MB21D2: variants seen among roughly 807,000 people sequenced by gnomAD.
MB21D2 encodes the protein nucleotidyltransferase MB21D2.
In MB21D2, 9 loss-of-function variants were observed where a neutral mutation model predicts 33.3. The ratio of observed to expected loss-of-function variants is 0.27; its 90% CI spans 0.16 to 0.47. The LOEUF (loss-of-function observed/expected upper bound fraction) is 0.47, where lower values mean the gene tolerates loss of function less well. Ranked by LOEUF, MB21D2 falls within the 20% of genes least tolerant of loss-of-function variation. The probability of loss-of-function intolerance (pLI) is 0.99; values close to 1 mark genes in which losing one functional copy is unlikely to be tolerated. For missense variants in MB21D2, 540 were observed against 624.6 expected (o/e 0.86, Z 1.44); for synonymous variants, 241 against 236.3 (o/e 1.02, Z -0.18).
intron 1 of MB21D2, among the ~76,000 whole-genome samples, chr3:192,802,256 T>C (rs1014752614): frequency 8.5e-5 from 13 of 152,160 alleles, no homozygotes; most frequent in Non-Finnish European, 1.6e-4. Context: ...CCCAGTGGGG[T>C]TGGCTGTGGC....
intron 1 of MB21D2, among the ~76,000 whole-genome samples, chr3:192,900,215 C>T (rs1714064116): frequency 6.9e-6 from 1 of 144,158 alleles, no homozygotes; most frequent in Non-Finnish European, 1.5e-5. Flanking sequence ...ACCCGGGAGG[C>T]GGAGCTTGCA....
At chr3:192,903,615 A>G (rs1714147195) in intron 1 of MB21D2, among the ~76,000 whole-genome samples, 2 of 152,212 alleles carry the variant, frequency 1.3e-5, no homozygotes, top group African/African-American at 4.8e-5. Flanking sequence ...TCAGTAAAAT[A>G]AGGATAATAG....
intron 1 of MB21D2, among the ~76,000 whole-genome samples, chr3:192,865,785 C>A (rs189137324): frequency 7.4e-4 from 112 of 152,254 alleles, no homozygotes; most frequent in African/African-American, 2.6e-3. Flanking sequence ...CTGATCCCTG[C>A]CTGTAATCTC....
intron 1 of MB21D2, among the ~76,000 whole-genome samples, chr3:192,807,956 G>A (rs2108610850): frequency 6.6e-6 from 1 of 152,098 alleles, no homozygotes; most frequent in East Asian, 1.9e-4. Flanking sequence ...GACCATCAAG[G>A]GTGAGTGGGG....
intron 1 of MB21D2, among the ~76,000 whole-genome samples, chr3:192,802,782 C>T (rs992042476): frequency 6.6e-6 from 1 of 152,188 alleles, no homozygotes; most frequent in Non-Finnish European, 1.5e-5. Context: ...AAATCGTTTA[C>T]TCTTCATTAT....
At chr3:192,839,666 AAC>A (rs2108624717) in intron 1 of MB21D2, among the ~76,000 whole-genome samples, 1 of 152,316 alleles carries the variant, frequency 6.6e-6, no homozygotes, top group African/African-American at 2.4e-5. Flanking sequence ...TATATGTAAA[AAC>A]AAACTAGCAA....
At chr3:192,800,239 C>A (rs571260622) in intron 1 of MB21D2, among the ~76,000 whole-genome samples, 1 of 152,230 alleles carries the variant, frequency 6.6e-6, no homozygotes, top group African/African-American at 2.4e-5. Flanking sequence ...ATAATACTAA[C>A]ACACTGTTTG....
At chr3:192,841,580 T>TCC (rs1456647909) in intron 1 of MB21D2, among the ~76,000 whole-genome samples, 3 of 152,244 alleles carry the variant, frequency 2.0e-5, no homozygotes, top group Admixed American at 2.0e-4. Context: ...AAGTGGATAC[T>TCC]CCAGCCCAGT....
chr3:192,823,655 A>G (rs989907820), intron 1 of MB21D2, among the ~76,000 whole-genome samples: 1 of 151,438 alleles, frequency 6.6e-6, no homozygotes, highest in Admixed American at 6.6e-5. Flanking sequence ...AACTCCATTT[A>G]AAAAAAAACA....
At chr3:192,830,270 G>GT (rs1712286776) in intron 1 of MB21D2, among the ~76,000 whole-genome samples, 3 of 148,096 alleles carry the variant, frequency 2.0e-5, no homozygotes, top group Admixed American at 6.7e-5. Context: ...GTGTGTGTGT[G>GT]GGTGTCAAAG....
At chr3:192,801,599 C>T (rs1354809293) in intron 1 of MB21D2, among the ~76,000 whole-genome samples, 1 of 152,150 alleles carries the variant, frequency 6.6e-6, no homozygotes, top group Non-Finnish European at 1.5e-5. Context: ...CAGAGCGCTT[C>T]TTTACCCCTT....
chr3:192,834,643 A>G (rs989116839), intron 1 of MB21D2, among the ~76,000 whole-genome samples: 2 of 152,000 alleles, frequency 1.3e-5, no homozygotes, highest in Non-Finnish European at 2.9e-5. Flanking sequence ...AAACAAGGAA[A>G]CCAAACACCA....
chr3:192,827,329 T>C (rs6793176), intron 1 of MB21D2, among the ~76,000 whole-genome samples: 10,996 of 152,162 alleles, frequency 0.072, 1,414 homozygotes, highest in African/African-American at 0.25. Context: ...CAGTCGTTTA[T>C]TGAAATTGAC....
intron 1 of MB21D2, among the ~76,000 whole-genome samples, chr3:192,902,899 A>C (rs1308370139): frequency 6.6e-6 from 1 of 152,258 alleles, no homozygotes. Flanking sequence ...TCATCATGCT[A>C]TTCAAAGCTG....
At chr3:192,911,196 C>T (rs61535881) in intron 1 of MB21D2, among the ~76,000 whole-genome samples, 5,141 of 152,090 alleles carry the variant, frequency 0.034, 294 homozygotes, top group African/African-American at 0.12. Flanking sequence ...TGCTGGTAAA[C>T]TTGGATGAAT....
chr3:192,904,431 G>A (rs1466605469), intron 1 of MB21D2, among the ~76,000 whole-genome samples: 4 of 152,178 alleles, frequency 2.6e-5, no homozygotes, highest in Admixed American at 2.6e-4. Flanking sequence ...TTTAAAATTT[G>A]ATTTATTCTC....
At chr3:192,869,510 C>A (rs1252598286) in intron 1 of MB21D2, among the ~76,000 whole-genome samples, 1 of 152,158 alleles carries the variant, frequency 6.6e-6, no homozygotes, top group Non-Finnish European at 1.5e-5. Flanking sequence ...ATCACTGGAA[C>A]AAACTCCAAG....
intron 1 of MB21D2, among the ~76,000 whole-genome samples, chr3:192,814,303 T>C (rs769629762): frequency 6.6e-6 from 1 of 150,614 alleles, no homozygotes; most frequent in Non-Finnish European, 1.5e-5. Context: ...ACAACAGACA[T>C]GAAAAAAAAA....
At chr3:192,836,614 A>G (rs1712445109) in intron 1 of MB21D2, among the ~76,000 whole-genome samples, 1 of 152,206 alleles carries the variant, frequency 6.6e-6, no homozygotes, top group Non-Finnish European at 1.5e-5. Flanking sequence ...CAAGCCACGG[A>G]GAGGGGCCTC....
Sources: gnomAD v4.1 joint callset for allele counts (sites outside exome capture counted in the v4.1 genomes callset) on GRCh38, gnomAD v4.1.1 for gene constraint, MANE v1.5 for transcripts, NCBI Gene and HGNC (gene_info 2026-07-23, HGNC 2026-07-21) for gene names.